The following PRKD3 variants were observed in gnomAD, a reference collection of about 807,000 sequenced individuals.
PRKD3 encodes the protein protein kinase D3.
PRKD3 carries 47 observed loss-of-function variants against 99.2 expected under a neutral mutation model. That is an observed-to-expected ratio of 0.47 (90% CI 0.38 to 0.60). The LOEUF is 0.60. Among genes scored for constraint, PRKD3 ranks in the 20% least tolerant of loss-of-function variants. The probability of loss-of-function intolerance (pLI) is 0.00; values close to 1 mark genes in which losing one functional copy is unlikely to be tolerated. For synonymous variants in PRKD3, 392 were observed against 355.4 expected (o/e 1.10, Z -1.16); for missense variants, 1,019 against 1,088.4 (o/e 0.94, Z 0.90).
At chr2:37,319,405 G>A (rs1398325009) in intron 1 of PRKD3, among the ~76,000 whole-genome samples, 1 of 151,958 alleles carries the variant, frequency 6.6e-6, no homozygotes, top group African/African-American at 2.4e-5. Context: ...GATAATAAAG[G>A]CATAAAGAAT....
In PRKD3 at chr2:37,279,636, A is replaced by C. The variant is rs1669742101; in HGVS notation, c.1172+110T>G. ...TAAAAGAATTAGCCACAATTTATTT[A>C]GATTTTAAATTACTTTTAAGGTCCC... On this transcript the variant is annotated intron_variant, in intron 8 of 18. Transcript: ENST00000234179. The C allele has an allele frequency of 4.3e-6, 3 of 695,144 alleles. No individual in the cohort carries two copies. The South Asian group carries it at 1.3e-4, about 31-fold the overall frequency. 43.1% of individuals were successfully genotyped at this position (695,144 alleles called of 1,614,324 possible).
chr2:37,316,892 A>G lies in PRKD3; in HGVS notation c.-368T>C. On this transcript the variant is annotated 5_prime_UTR_variant, in exon 2 of 19. It removes an upstream start codon present in the reference 5' UTR. Transcript: ENST00000234179. Reference sequence around the variant, plus strand: ...TTGTCTCTTTAATTTCAGGAAATACATATTGAATAAAAGTTGTTTTTCTGT... The same window carrying G: ...TTGTCTCTTTAATTTCAGGAAATACGTATTGAATAAAAGTTGTTTTTCTGT... 9.8e-7 allele frequency: 1 copy of G among 1,016,414 alleles called. No homozygotes were observed. Among genetic ancestry groups the G allele is most frequent in the Admixed American group, 5.3e-5 (1 of 18,832 alleles). 63.0% of individuals were successfully genotyped at this position (1,016,414 alleles called of 1,614,324 possible). A position where few individuals can be genotyped will look rare whatever the true frequency, so the allele number is the denominator to read the frequency against.
chr2:37,310,565 A>T (rs1295905127), intron 2 of PRKD3, among the ~76,000 whole-genome samples: 1 of 152,228 alleles, frequency 6.6e-6, no homozygotes, highest in Non-Finnish European at 1.5e-5. Flanking sequence ...ATATTCACTG[A>T]GCACCTACTG....
At chr2:37,266,589 C>T (rs539930783) in intron 14 of PRKD3, among the ~76,000 whole-genome samples, 6 of 151,966 alleles carry the variant, frequency 3.9e-5, no homozygotes, top group East Asian at 1.9e-4. Flanking sequence ...CAGGTTCAAG[C>T]GATTCTCCTG....
chr2:37,285,767 C>T (rs986051756), intron 6 of PRKD3, among the ~76,000 whole-genome samples: 1 of 152,118 alleles, frequency 6.6e-6, no homozygotes. Context: ...TTACTAGCTA[C>T]ATGATCTTAA....
At chr2:37,290,406 G>A (rs548981054) in intron 4 of PRKD3, among the ~76,000 whole-genome samples, 6 of 152,090 alleles carry the variant, frequency 3.9e-5, no homozygotes, top group Non-Finnish European at 8.8e-5. Flanking sequence ...CTAAGTTTTT[G>A]TATCTTTAGT....
At chr2:37,314,804 T>C (rs955794687) in intron 2 of PRKD3, among the ~76,000 whole-genome samples, 2 of 152,090 alleles carry the variant, frequency 1.3e-5, no homozygotes, top group African/African-American at 2.4e-5. Context: ...ACAATCTAGT[T>C]GCAAAAGTGT....
At chr2:37,307,859 T>TA (rs1346292111) in intron 2 of PRKD3, among the ~76,000 whole-genome samples, 2 of 152,258 alleles carry the variant, frequency 1.3e-5, no homozygotes, top group Non-Finnish European at 2.9e-5. Flanking sequence ...AATGATCTGT[T>TA]AGAGATATTT....
intron 8 of PRKD3, chr2:37,278,819 C>T (rs2148548954): frequency 6.6e-6 from 1 of 152,078 alleles, no homozygotes; most frequent in South Asian, 2.1e-4. Context: ...TGCCTGTAGT[C>T]CCAGCTACTT....
intron 10 of PRKD3, among the ~76,000 whole-genome samples, chr2:37,275,190 C>CAA (rs35852116): frequency 6.9e-6 from 1 of 145,790 alleles, no homozygotes; most frequent in Non-Finnish European, 1.5e-5. Flanking sequence ...CTTCCTAAGG[C>CAA]AAAAAAAAAA....
intron 2 of PRKD3, among the ~76,000 whole-genome samples, chr2:37,296,073 T>C (rs1484944673): frequency 1.4e-5 from 2 of 138,764 alleles, no homozygotes; most frequent in African/African-American, 5.4e-5. Flanking sequence ...CAAGGAACTT[T>C]CTCTCCAGAA....
chr2:37,282,234 T>A (rs559909111), intron 7 of PRKD3: 1 of 282,960 alleles, frequency 3.5e-6, no homozygotes, highest in African/African-American at 2.1e-5. Flanking sequence ...ATTAGAACTA[T>A]GAAAGAATAG....
chr2:37,283,993 A>G (rs1669976271), intron 6 of PRKD3, among the ~76,000 whole-genome samples: 1 of 151,126 alleles, frequency 6.6e-6, no homozygotes, highest in Non-Finnish European at 1.5e-5. Flanking sequence ...TTAGTTCTCT[A>G]TGTCCTTACC....
chr2:37,287,540 C>T (rs1285530458), intron 5 of PRKD3, among the ~76,000 whole-genome samples: 1 of 152,114 alleles, frequency 6.6e-6, no homozygotes, highest in Non-Finnish European at 1.5e-5. Context: ...TGAAAGATCT[C>T]AGGACATCAG....
At chr2:37,310,263 G>T (rs897874351) in intron 2 of PRKD3, among the ~76,000 whole-genome samples, 2 of 152,186 alleles carry the variant, frequency 1.3e-5, no homozygotes, top group East Asian at 1.9e-4. Flanking sequence ...TTTGAGTTTG[G>T]AAACCACTAA....
At chr2:37,303,719 G>A (rs1054230815) in intron 2 of PRKD3, among the ~76,000 whole-genome samples, 5 of 152,248 alleles carry the variant, frequency 3.3e-5, no homozygotes, top group Middle Eastern at 3.4e-3. Context: ...GAGATTACAG[G>A]TATGAGCTGC....
rs575068393 is a variant in PRKD3 at position 37,267,607 on chromosome 2, G to A, written c.1778-71C>T. The A allele has an allele frequency of 2.5e-4, 281 of 1,103,874 alleles. 1 individual carries two copies. The highest frequency in any genetic ancestry group is 1.4e-3 in the Middle Eastern group (7 of 4,902). The allele number at this position is 1,103,874 out of a possible 1,614,324, so 68.4% of individuals were successfully genotyped here. A position where few individuals can be genotyped will look rare whatever the true frequency, so the allele number is the denominator to read the frequency against. On this transcript the variant is annotated intron_variant, in intron 13 of 18. Transcript: ENST00000234179. ...TTTATTAGGGAGTTGTCCACAGACT[G>A]AAATTTATATGTATTTACTCTTGAA...
rs760536744 is a variant in PRKD3, at chr2:37,272,386, C to T, written c.1698G>A (p.Glu566=). ...SISVSNCQIQ[E]NVDISTVYQI... ...AGCTATAACGATTACTTACCACATT[C>T]TCCTGAATCTGACAATTAGATACAG... Residue 566 remains glutamate, a synonymous_variant, in exon 12 of 19, where the codon GAG becomes GAA. Coordinates refer to ENST00000234179, the MANE Select transcript of PRKD3 (RefSeq NM_005813.6). The T allele has an allele frequency of 2.9e-5, 47 of 1,605,356 alleles. No individual in the cohort carries two copies. Among genetic ancestry groups the T allele is most frequent in the Non-Finnish European group, 3.7e-5 (43 of 1,177,614 alleles).
intron 6 of PRKD3, among the ~76,000 whole-genome samples, chr2:37,285,675 C>T (rs1670056709): frequency 1.3e-5 from 2 of 152,258 alleles, no homozygotes; most frequent in Admixed American, 1.3e-4. Context: ...GCTTTGCTGC[C>T]TACTAGCTAT....
Sources: allele counts gnomAD v4.1 joint callset (sites outside exome capture counted in the v4.1 genomes callset), GRCh38; gene constraint gnomAD v4.1.1; transcripts MANE v1.5; gene names NCBI Gene and HGNC (gene_info 2026-07-23, HGNC 2026-07-21).